The following FGD5 variants were observed in gnomAD, a reference collection of about 807,000 sequenced individuals.
FGD5 encodes the protein FYVE, RhoGEF and PH domain containing 5.
A neutral mutation model predicts 133.4 loss-of-function variants in FGD5; 28 were observed. The ratio of observed to expected loss-of-function variants is 0.21; its 90% CI spans 0.16 to 0.29. The LOEUF (loss-of-function observed/expected upper bound fraction) is 0.29. Among genes scored for constraint, FGD5 ranks in the 10% least tolerant of loss-of-function variants. The pLI, the probability that FGD5 is intolerant of heterozygous loss-of-function variation, is 1.00. For missense variants in FGD5, 1,858 were observed against 1,895.2 expected (o/e 0.98, Z 0.36); for synonymous variants, 810 against 776.5 (o/e 1.04, Z -0.72).
Position 14,922,613 on chromosome 3 carries a change from C to T in FGD5, c.3807+65C>T. 1 of 1,521,732 alleles carries T rather than the reference C, an allele frequency of 6.6e-7. No individual in the cohort carries two copies. The highest frequency in any genetic ancestry group is 8.8e-7 in the Non-Finnish European group (1 of 1,135,916). The allele number at this position is 1,521,732 out of a possible 1,614,324, so 94.3% of individuals were successfully genotyped here. A position where few individuals can be genotyped will look rare whatever the true frequency, so the allele number is the denominator to read the frequency against. On this transcript the variant is annotated intron_variant, in intron 15 of 19. Transcript: ENST00000285046. This position sits in a 1 kb window ranked among gnomAD's most constrained non-coding sequence, Gnocchi z 4.1. ...GGGGTGGGGGAAGGGCATGTCCCTG[C>T]CCAGCCGGGGGCTCAGGGATGTCCA... is the stretch of plus-strand genomic sequence containing the variant.
intron 2 of FGD5, among the ~76,000 whole-genome samples, chr3:14,877,569 C>T (rs1481481380): frequency 6.6e-6 from 1 of 152,208 alleles, no homozygotes; most frequent in African/African-American, 2.4e-5. Context: ...GAGAGGGGCT[C>T]GCCCACGGTC....
intron 18 of FGD5, 113 bp downstream of exon 18, chr3:14,926,311 T>G (rs2038802371): frequency 7.1e-7 from 1 of 1,411,728 alleles, no homozygotes; most frequent in African/African-American, 1.4e-5. Context: ...GCTGAGCCAG[T>G]TCTGGTGGCA....
rs377176725 is a variant in FGD5 at position 14,820,519 on chromosome 3, G to A, written c.1448G>A (p.Arg483Gln). 1.2e-4 allele frequency: 201 copies of A among 1,613,764 alleles called. No homozygotes were observed. Among genetic ancestry groups the A allele is most frequent in the Non-Finnish European group, 1.7e-4 (196 of 1,179,838 alleles). The change falls in exon 1 of 20, where the codon CGG (arginine) becomes CAG (glutamine). Residue 483 changes from arginine (R) to glutamine (Q), a missense_variant. Transcript: ENST00000285046. ...ADRKNTSTRV[R>Q]PHSGKVAGYV... The stretch of plus-strand genomic sequence containing the variant: ...AGGAAGAACACCAGCACGAGGGTCC[G>A]GCCCCACTCTGGGAAGGTGGCCGGC...
At chr3:14,923,588 T>C (rs981358455) in intron 16 of FGD5, among the ~76,000 whole-genome samples, 3 of 152,132 alleles carry the variant, frequency 2.0e-5, no homozygotes, top group African/African-American at 7.2e-5. Context: ...CACAGGAGCC[T>C]TGGGAAGCTG....
chr3:14,923,919 C>G lies in FGD5; in HGVS notation c.3938-89C>G, dbSNP rs550754528. On this transcript the variant is annotated intron_variant, in intron 16 of 19. Transcript: ENST00000285046. The stretch of plus-strand genomic sequence containing the variant: ...CACTTAACCCCCATGGCTCACATTC[C>G]TAGAGGGATTTTACAGGAATCAGTG... The G allele has an allele frequency of 1.4e-4, 210 of 1,518,838 alleles. 2 individuals carry two copies. The East Asian group carries it at 4.9e-3, about 36-fold the overall frequency. The allele number at this position is 1,518,838 out of a possible 1,614,324, so 94.1% of individuals were successfully genotyped here.
At chr3:14,818,580 G>T (rs1231212342), upstream of FGD5, among the ~76,000 whole-genome samples, 1 of 152,180 alleles carries the variant, frequency 6.6e-6, no homozygotes, top group African/African-American at 2.4e-5. Flanking sequence ...CAGGGAGGGT[G>T]ACAGCAAGTT....
chr3:14,886,241 G>T (rs2037922343), intron 4 of FGD5, among the ~76,000 whole-genome samples: 1 of 152,144 alleles, frequency 6.6e-6, no homozygotes, highest in African/African-American at 2.4e-5. Flanking sequence ...CTCCCAGCTG[G>T]GTTAGTCCCC....
At chr3:14,919,981 GGGCAT>G (rs2038642811) in intron 13 of FGD5, among the ~76,000 whole-genome samples, 1 of 152,194 alleles carries the variant, frequency 6.6e-6, no homozygotes, top group South Asian at 2.1e-4. Context: ...GACCACAGTG[GGGCAT>G]GGCATTTCTA....
intron 1 of FGD5, among the ~76,000 whole-genome samples, chr3:14,832,879 A>G (rs958898874): frequency 1.1e-4 from 17 of 152,070 alleles, no homozygotes; most frequent in Non-Finnish European, 2.4e-4. Context: ...ACTGTAGAGA[A>G]AAAGAACGGC....
upstream of FGD5, among the ~76,000 whole-genome samples, chr3:14,818,733 A>G (rs1395741271): frequency 6.6e-6 from 1 of 152,160 alleles, no homozygotes; most frequent in African/African-American, 2.4e-5. Flanking sequence ...CGTGTAGAAG[A>G]AAGGTCTGTT....
intron 2 of FGD5, among the ~76,000 whole-genome samples, chr3:14,864,736 T>G (rs2125105104): frequency 6.6e-6 from 1 of 152,288 alleles, no homozygotes; most frequent in African/African-American, 2.4e-5. Context: ...ATGGAGTTGC[T>G]GGAGGGAGGT....
chr3:14,909,402 A>G (rs780360983), intron 10 of FGD5, among the ~76,000 whole-genome samples: 13 of 152,258 alleles, frequency 8.5e-5, no homozygotes, highest in Non-Finnish European at 1.5e-4. Context: ...TCCACGGGTC[A>G]AACAGTCATG....
intron 1 of FGD5, among the ~76,000 whole-genome samples, chr3:14,837,689 A>G (rs1033547999): frequency 2.6e-5 from 4 of 152,154 alleles, no homozygotes; most frequent in Admixed American, 1.3e-4. Context: ...CTCATCCACA[A>G]AAGTGCTCAC....
intron 4 of FGD5, among the ~76,000 whole-genome samples, chr3:14,894,332 C>T (rs1340892903): frequency 6.6e-6 from 1 of 152,076 alleles, no homozygotes. Flanking sequence ...TATATATTGC[C>T]ACATTTTCTT....
intron 18 of FGD5, among the ~76,000 whole-genome samples, chr3:14,928,461 C>T (rs1386660159): frequency 6.6e-6 from 1 of 152,080 alleles, no homozygotes; most frequent in Non-Finnish European, 1.5e-5. Flanking sequence ...TTACAGTGAA[C>T]TAGCCGGGCA....
chr3:14,832,618 TG>T (rs2036733993), intron 1 of FGD5, among the ~76,000 whole-genome samples: 1 of 152,054 alleles, frequency 6.6e-6, no homozygotes, highest in Non-Finnish European at 1.5e-5. Flanking sequence ...AGGTTCAGAG[TG>T]GCGGCATGAC....
intron 2 of FGD5, among the ~76,000 whole-genome samples, chr3:14,865,779 T>C (rs913017424): frequency 3.0e-4 from 45 of 152,216 alleles, no homozygotes; most frequent in African/African-American, 1.0e-3. Context: ...CAAGCACAGC[T>C]CTGGCTGGCT....
chr3:14,840,186 A>C (rs368982329), intron 1 of FGD5, among the ~76,000 whole-genome samples: 4 of 150,744 alleles, frequency 2.7e-5, no homozygotes, highest in Non-Finnish European at 5.9e-5. Context: ...TCTGTTGCCC[A>C]GGATACAGTG....
chr3:14,849,616 C>T (rs531674920), intron 1 of FGD5, among the ~76,000 whole-genome samples: 3 of 152,130 alleles, frequency 2.0e-5, no homozygotes, highest in African/African-American at 4.8e-5. Flanking sequence ...AAGGATCAAA[C>T]GAGGTAGCCC....
Sources: allele counts gnomAD v4.1 joint callset (sites outside exome capture counted in the v4.1 genomes callset), GRCh38; gene constraint gnomAD v4.1.1; non-coding constraint Gnocchi (gnomAD v3.1); transcripts MANE v1.5; gene names NCBI Gene and HGNC (gene_info 2026-07-23, HGNC 2026-07-21).